Variants in SLC6A2 observed in about 807,000 individuals in gnomAD.
The protein encoded by SLC6A2 is solute carrier family 6 member 2, also known as sodium-dependent noradrenaline transporter.
SLC6A2 carries 26 observed loss-of-function variants against 71.7 expected under a neutral mutation model. That is an observed-to-expected ratio of 0.36 (90% CI 0.27 to 0.50). SLC6A2 has a LOEUF of 0.50. Among genes scored for constraint, SLC6A2 ranks in the 20% least tolerant of loss-of-function variants. SLC6A2 has a pLI of 0.96. For missense variants in SLC6A2, 581 were observed against 803.9 expected, an observed-to-expected ratio of 0.72 and a Z score of 3.35; for synonymous variants, 363 against 337.9, an observed-to-expected ratio of 1.07 and a Z score of -0.82.
rs956435905 is a variant in SLC6A2 at position 55,705,045 on chromosome 16, C to T, written c.*2699C>T. ...CTTGTTTTTAATAGCAGAGGTCACC[C>T]GGGACAAGGGTGCTGTGTACTGTAT... On this transcript the variant is annotated 3_prime_UTR_variant, in exon 15 of 15. Transcript: ENST00000568943. 10 of 526,126 alleles carry T rather than the reference C, an allele frequency of 1.9e-5. No homozygotes were observed. The highest frequency in any genetic ancestry group is 3.3e-5 in the South Asian group (1 of 30,148). 32.6% of individuals were successfully genotyped at this position (526,126 alleles called of 1,614,324 possible).
intron 2 of SLC6A2, among the ~76,000 whole-genome samples, chr16:55,663,766 C>T (rs1305627771): frequency 6.6e-6 from 1 of 152,148 alleles, no homozygotes; most frequent in Non-Finnish European, 1.5e-5. Flanking sequence ...TCTCTTTGAC[C>T]TTCTCCTGCC....
intron 3 of SLC6A2, among the ~76,000 whole-genome samples, chr16:55,670,329 C>A (rs1331888209): frequency 6.6e-6 from 1 of 152,164 alleles, no homozygotes; most frequent in Non-Finnish European, 1.5e-5. Context: ...TCCGCTGGCA[C>A]GTGCCTCCTG....
In SLC6A2 at chr16:55,702,741, C is replaced by CT. The variant is rs1966011246; in HGVS notation, c.*395_*396insT. On this transcript the variant is annotated 3_prime_UTR_variant, in exon 15 of 15. Coordinates refer to ENST00000568943, the MANE Select transcript of SLC6A2 (RefSeq NM_001172501.3). ...AGAGGATGGGCTTTTGATCAGATAC[C>CT]CCTCCCAAAAAAAAAAAAAACTAAA... is the stretch of plus-strand genomic sequence containing the variant. The CT allele has an allele frequency of 1.1e-6, 1 of 942,358 alleles. No homozygotes were observed. Among genetic ancestry groups the CT allele is most frequent in the African/African-American group, 3.0e-5 (1 of 33,028 alleles). The allele number at this position is 942,358 out of a possible 1,614,324, so 58.4% of individuals were successfully genotyped here.
Position 55,684,074 on chromosome 16 carries a change from G to A in SLC6A2, c.645-1069G>A, listed in dbSNP as rs953712075. On this transcript the variant is annotated intron_variant, in intron 4 of 14. Coordinates refer to ENST00000568943, the MANE Select transcript of SLC6A2 (RefSeq NM_001172501.3). Reference sequence around the variant, plus strand: ...GCACTTTGAGAGGCTGGAGCAGTTGGATCACTTGAGCCCAGGAGTTCAAGA... The same window carrying A: ...GCACTTTGAGAGGCTGGAGCAGTTGAATCACTTGAGCCCAGGAGTTCAAGA... 4.9e-4 allele frequency among the ~76,000 whole-genome samples: 75 copies of A among 152,224 alleles called. 1 individual carries two copies. Among genetic ancestry groups the A allele is most frequent in the Non-Finnish European group, 4.4e-5 (3 of 68,022 alleles).
Position 55,696,226 on chromosome 16 carries a change from A to G in SLC6A2, c.1149A>G (p.Gly383=), listed in dbSNP as rs1431064453. 1.3e-6 allele frequency: 2 copies of G among 1,585,192 alleles called. No individual in the cohort carries two copies. The highest frequency in any genetic ancestry group is 1.7e-5 in the Admixed American group (1 of 60,006). Residue 383 remains glycine (G), a splice_region_variant and synonymous_variant, in exon 9 of 15, where the codon GGA becomes GGG. Coordinates refer to ENST00000568943, the MANE Select transcript of SLC6A2 (RefSeq NM_001172501.3). ...KVNIEDVATE[G]AGLVFILYPE... ...TGAGGTCCTTGATGTTTCTTACAGG[A>G]GCTGGCCTAGTGTTCATCCTGTATC...
intron 2 of SLC6A2, among the ~76,000 whole-genome samples, chr16:55,659,187 C>A: frequency 6.6e-6 from 1 of 152,128 alleles, no homozygotes; most frequent in African/African-American, 2.4e-5. Context: ...CTTCTGCCTG[C>A]CAGGAGCTTT....
intron 5 of SLC6A2, among the ~76,000 whole-genome samples, chr16:55,687,815 A>T (rs770192997): frequency 6.6e-6 from 1 of 152,234 alleles, no homozygotes; most frequent in Non-Finnish European, 1.5e-5. Flanking sequence ...AGAGTGGAGT[A>T]TATGTTGTCT....
intron 5 of SLC6A2, among the ~76,000 whole-genome samples, chr16:55,687,124 T>C (rs547880767): frequency 6.6e-6 from 1 of 152,406 alleles, no homozygotes; most frequent in East Asian, 1.9e-4. Context: ...AGAACATATG[T>C]GTGTGTCCCC....
intron 6 of SLC6A2, among the ~76,000 whole-genome samples, chr16:55,693,644 C>T (rs1296008631): frequency 7.2e-5 from 11 of 152,224 alleles, no homozygotes; most frequent in African/African-American, 2.4e-4. Context: ...CTGAAAATGC[C>T]ATCTCCGTAA....
In SLC6A2 at chr16:55,705,382, A is replaced by T. The variant is rs1423075272; in HGVS notation, c.*3036A>T. On this transcript the variant is annotated 3_prime_UTR_variant, in exon 15 of 15. Coordinates refer to ENST00000568943, the MANE Select transcript of SLC6A2 (RefSeq NM_001172501.3). ...AGCCTCGCTAATGTGAGACTGAAGC[A>T]TTCTTACCAAAGAAATCATTTCCTA... 1 of 684,906 alleles carries T rather than the reference A, an allele frequency of 1.5e-6. No homozygotes were observed. Among genetic ancestry groups the T allele is most frequent in the East Asian group, 2.7e-5 (1 of 36,666 alleles). The allele number at this position is 684,906 out of a possible 1,614,324, so 42.4% of individuals were successfully genotyped here. A position where few individuals can be genotyped will look rare whatever the true frequency, so the allele number is the denominator to read the frequency against.
At chr16:55,681,952 G>C (rs544080666) in intron 4 of SLC6A2, among the ~76,000 whole-genome samples, 1 of 152,178 alleles carries the variant, frequency 6.6e-6, no homozygotes, top group Admixed American at 6.5e-5. Flanking sequence ...TGTTGCCCAG[G>C]CTGGAGTGCA....
In SLC6A2 at chr16:55,703,211, G is replaced by A; in HGVS notation, c.*865G>A. The A allele has an allele frequency of 1.0e-6, 1 of 985,386 alleles. No homozygotes were observed. The highest frequency in any genetic ancestry group is 1.2e-6 in the Non-Finnish European group (1 of 829,876). The allele number at this position is 985,386 out of a possible 1,614,324, so 61.0% of individuals were successfully genotyped here. The stretch of plus-strand genomic sequence containing the variant: ...CCAGAAACCCATCTGCACTTCCTGA[G>A]ACCTGCCTGGGGAAACGGGGGCAGG... On this transcript the variant is annotated 3_prime_UTR_variant, in exon 15 of 15. Transcript: ENST00000568943.
chr16:55,671,993 C>G lies in SLC6A2; in HGVS notation c.462C>G (p.Val154=). 2 of 1,614,164 alleles carry G rather than the reference C, an allele frequency of 1.2e-6. No homozygotes were observed. The highest frequency in any genetic ancestry group is 3.3e-5 in the Admixed American group (2 of 60,020). ...TGTACGTTGGCTTCTACTACAACGTCATCATCGCCTGGTCACTCTACTACC... is the reference window on the plus strand; with the variant it reads ...TGTACGTTGGCTTCTACTACAACGTGATCATCGCCTGGTCACTCTACTACC... ...IALYVGFYYN[V]IIAWSLYYLF... Residue 154 remains valine (V), a synonymous_variant, in exon 4 of 15, where the codon GTC becomes GTG. Transcript: ENST00000568943.
chr16:55,693,277 C>T (rs1425456380), intron 6 of SLC6A2, among the ~76,000 whole-genome samples: 3 of 152,102 alleles, frequency 2.0e-5, no homozygotes, highest in Admixed American at 2.0e-4. Flanking sequence ...ATCCCAGCCA[C>T]TCAGGATGCT....
chr16:55,675,248 T>G (rs1317023847), intron 4 of SLC6A2, among the ~76,000 whole-genome samples: 2 of 152,102 alleles, frequency 1.3e-5, no homozygotes, highest in African/African-American at 4.8e-5. Flanking sequence ...TCAATTCCAT[T>G]TTATCAATCC....
chr16:55,671,851 G>A lies in SLC6A2; in HGVS notation c.407-87G>A, dbSNP rs771704969. The A allele has an allele frequency of 5.6e-6, 9 of 1,595,840 alleles. No homozygotes were observed. In the African/African-American group the frequency reaches 1.1e-4, roughly 19 times the overall value. Reference sequence around the variant, plus strand: ...AGGAAACGAGAGACAGAGGGAATGGGAGTGCAGTGGTGGAGCCACACCCAA... The same window carrying A: ...AGGAAACGAGAGACAGAGGGAATGGAAGTGCAGTGGTGGAGCCACACCCAA... On this transcript the variant is annotated intron_variant, in intron 3 of 14. Transcript: ENST00000568943.
intron 8 of SLC6A2, 105 bp downstream of exon 8, chr16:55,695,507 T>C (rs926312304): frequency 2.7e-5 from 37 of 1,350,250 alleles, no homozygotes; most frequent in Non-Finnish European, 3.7e-5. Context: ...AATACTGGGT[T>C]GTCCATGGAG....
At chr16:55,678,270 G>C (rs186366910) in intron 4 of SLC6A2, among the ~76,000 whole-genome samples, 138 of 152,082 alleles carry the variant, frequency 9.1e-4, no homozygotes, top group African/African-American at 3.1e-3. Context: ...GCCTGCCTCT[G>C]TGCTTTGTAA....
intron 5 of SLC6A2, among the ~76,000 whole-genome samples, chr16:55,688,608 T>C (rs1182833865): frequency 6.6e-6 from 1 of 152,160 alleles, no homozygotes; most frequent in Non-Finnish European, 1.5e-5. Flanking sequence ...ATCACTGAAA[T>C]GGCTTGCTGA....
Sources: gnomAD v4.1 joint callset for allele counts (sites outside exome capture counted in the v4.1 genomes callset) on GRCh38, gnomAD v4.1.1 for gene constraint, MANE v1.5 for transcripts, NCBI Gene and HGNC (gene_info 2026-07-23, HGNC 2026-07-21) for gene names.